The following PCDHB12 variants were observed in gnomAD, a reference collection of about 807,000 sequenced individuals.
The protein encoded by PCDHB12 is protocadherin beta 12, also known as protocadherin beta-12.
For missense variants in PCDHB12, 1,192 were observed against 998.2 expected (o/e 1.19, Z -2.62); for synonymous variants, 560 against 445.2 (o/e 1.26, Z -3.24).
rs1554287300 is a variant in PCDHB12 at position 141,212,013 on chromosome 5, G to A, written c.*718G>A. 6.0e-6 allele frequency: 1 copy of A among 166,980 alleles called. No individual in the cohort carries two copies. The highest frequency in any genetic ancestry group is 1.5e-5 in the Non-Finnish European group (1 of 68,086). 10.3% of individuals were successfully genotyped at this position (166,980 alleles called of 1,614,324 possible). A position where few individuals can be genotyped will look rare whatever the true frequency, so the allele number is the denominator to read the frequency against. On this transcript the variant is annotated 3_prime_UTR_variant, in exon 1 of 1. Transcript: ENST00000239450. Reference sequence around the variant, plus strand: ...TTATTTAGAAATAAACTTTATCTATGATTTCATTTTCTTATAAACCAGTAA... The same window carrying A: ...TTATTTAGAAATAAACTTTATCTATAATTTCATTTTCTTATAAACCAGTAA...
chr5:141,210,355 A>T lies in PCDHB12; in HGVS notation c.1448A>T (p.Asn483Ile), dbSNP rs368877936. Residue 483 changes from asparagine (N) to isoleucine (I), a missense_variant, in exon 1 of 1, where the codon AAC (asparagine) becomes ATC (isoleucine). Transcript: ENST00000239450. ...GCCACAGACAGAGACTCGGGCACCA[A>T]CGCCCAGGTCAACTACTCGCTGCTG... is the stretch of plus-strand genomic sequence containing the variant. Reference protein sequence around the residue: ...ISATDRDSGTNAQVNYSLLPS... With the variant: ...ISATDRDSGTIAQVNYSLLPS... 3.7e-6 allele frequency: 6 copies of T among 1,612,832 alleles called. No individual in the cohort carries two copies. The African/African-American group carries it at 8.0e-5, about 22-fold the overall frequency.
At position 141,210,359 on chromosome 5, in the gene PCDHB12, C is replaced by T. The variant is rs782761475; in HGVS notation, c.1452C>T (p.Ala484=). Residue 484 remains alanine, a synonymous_variant, in exon 1 of 1, where the codon GCC becomes GCT. Transcript: ENST00000239450. ...SATDRDSGTN[A]QVNYSLLPSQ... ...CAGACAGAGACTCGGGCACCAACGC[C>T]CAGGTCAACTACTCGCTGCTGCCGT... 3.1e-6 allele frequency: 5 copies of T among 1,613,078 alleles called. No individual in the cohort carries two copies. In the South Asian group the frequency reaches 4.4e-5, roughly 14 times the overall value.
Position 141,210,019 on chromosome 5 carries a change from G to C in PCDHB12, c.1112G>C (p.Arg371Pro), listed in dbSNP as rs1554286791. 1.9e-6 allele frequency: 3 copies of C among 1,614,182 alleles called. No homozygotes were observed. Among genetic ancestry groups the C allele is most frequent in the South Asian group, 2.2e-5 (2 of 91,076 alleles). Residue 371 changes from arginine to proline, a missense_variant, in exon 1 of 1, where the codon CGA (arginine) becomes CCA (proline). Arg to Pro is a moderately radical substitution (Grantham distance 103). Coordinates refer to ENST00000239450, the MANE Select transcript of PCDHB12 (RefSeq NM_018932.4). Reference protein sequence around the residue: ...PETVVMVFRIRDRDSGDNGKM... With the variant: ...PETVVMVFRIPDRDSGDNGKM... ...ACTGTGGTTATGGTTTTCAGGATAC[G>C]AGACAGAGACTCTGGGGACAACGGA...
In PCDHB12 at chr5:141,210,949, C is replaced by T. The variant is rs369721899; in HGVS notation, c.2042C>T (p.Ala681Val). The T allele has an allele frequency of 1.9e-6, 3 of 1,611,648 alleles. No individual in the cohort carries two copies. In the South Asian group the frequency reaches 3.3e-5, roughly 18 times the overall value. Residue 681 changes from alanine to valine, a missense_variant, in exon 1 of 1, where the codon GCC becomes GTC. Transcript: ENST00000239450. ...CTCCCGGAGGCGGCCCCGGCCCAGGCCCAGGCCGACTCGCTCACTGTCTAC... is the reference window on the plus strand; with the variant it reads ...CTCCCGGAGGCGGCCCCGGCCCAGGTCCAGGCCGACTCGCTCACTGTCTAC... ...LPLPEAAPAQ[A>V]QADSLTVYLV...
chr5:141,210,371 C>CCT lies in PCDHB12; in HGVS notation c.1464_1465insCT (p.Ser489LeufsTer54). On this transcript the variant is annotated frameshift_variant, in exon 1 of 1. Coordinates refer to ENST00000239450, the MANE Select transcript of PCDHB12 (RefSeq NM_018932.4). LOFTEE classifies it low-confidence loss of function (END_TRUNC). The stretch of plus-strand genomic sequence containing the variant: ...CGGGCACCAACGCCCAGGTCAACTA[C>CCT]TCGCTGCTGCCGTCCCAGGACCCGC... 1.2e-6 allele frequency: 2 copies of CCT among 1,613,032 alleles called. No homozygotes were observed. Among genetic ancestry groups the CCT allele is most frequent in the African/African-American group, 1.3e-5 (1 of 75,034 alleles).
At position 141,210,956 on chromosome 5, in the gene PCDHB12, C is replaced by T. The variant is rs782343450; in HGVS notation, c.2049C>T (p.Ala683=). The change falls in exon 1 of 1, where the codon GCC becomes GCT. Residue 683 remains alanine (A), a synonymous_variant. Coordinates refer to ENST00000239450, the MANE Select transcript of PCDHB12 (RefSeq NM_018932.4). ...AGGCGGCCCCGGCCCAGGCCCAGGC[C>T]GACTCGCTCACTGTCTACCTGGTGG... ...LPEAAPAQAQ[A]DSLTVYLVVA... The T allele has an allele frequency of 6.2e-7, 1 of 1,611,718 alleles. No individual in the cohort carries two copies. The highest frequency in any genetic ancestry group is 8.5e-7 in the Non-Finnish European group (1 of 1,179,782).
Position 141,209,914 on chromosome 5 carries a change from A to T in PCDHB12, c.1007A>T (p.Gln336Leu). The change falls in exon 1 of 1, where the codon CAG becomes CTG. Residue 336 changes from glutamine to leucine, a missense_variant. By Grantham distance (113) the Gln-to-Leu change is moderately radical. Transcript: ENST00000239450. ...GLFGKSTVRI[Q>L]VMDVNDNAPE... ...TTTGGAAAATCTACAGTCAGAATTC[A>T]GGTGATGGATGTAAACGACAACGCT... 1 of 1,614,198 alleles carries T rather than the reference A, an allele frequency of 6.2e-7. No individual in the cohort carries two copies. Among genetic ancestry groups the T allele is most frequent in the Non-Finnish European group, 8.5e-7 (1 of 1,180,024 alleles).
At position 141,211,329 on chromosome 5, in the gene PCDHB12, TA is replaced by T; in HGVS notation, c.*35del. 6.4e-7 allele frequency: 1 copy of T among 1,555,466 alleles called. No individual in the cohort carries two copies. Among genetic ancestry groups the T allele is most frequent in the Non-Finnish European group, 8.7e-7 (1 of 1,152,976 alleles). On this transcript the variant is annotated 3_prime_UTR_variant, in exon 1 of 1. Transcript: ENST00000239450. ...GAAAAATAAAACCTGTGTTTATGAATACATTTATAATTAGGAACTTATCGTG... is the reference window on the plus strand; with the variant it reads ...GAAAAATAAAACCTGTGTTTATGAATCATTTATAATTAGGAACTTATCGTG...
Position 141,209,549 on chromosome 5 carries a change from T to A in PCDHB12, c.642T>A (p.Ala214=). 6.2e-7 allele frequency: 1 copy of A among 1,614,198 alleles called. No homozygotes were observed. Among genetic ancestry groups the A allele is most frequent in the East Asian group, 2.2e-5 (1 of 44,878 alleles). The change falls in exon 1 of 1, where the codon GCT becomes GCA. Residue 214 remains alanine (A), a synonymous_variant. Coordinates refer to ENST00000239450, the MANE Select transcript of PCDHB12 (RefSeq NM_018932.4). The stretch of plus-strand genomic sequence containing the variant: ...CGGAGCTCAGTTTCATCCTCACTGC[T>A]CTGGATGGCGGGTCCCCTCCCAGGT... ...ERPELSFILT[A]LDGGSPPRSG...
At position 141,209,851 on chromosome 5, in the gene PCDHB12, A is replaced by G. The variant is rs781982947; in HGVS notation, c.944A>G (p.Tyr315Cys). 6.8e-6 allele frequency: 11 copies of G among 1,614,086 alleles called. No individual in the cohort carries two copies. In the East Asian group the frequency reaches 2.5e-4, roughly 36 times the overall value. The change falls in exon 1 of 1, where the codon TAC becomes TGC. Residue 315 changes from tyrosine (Y) to cysteine (C), a missense_variant. By Grantham distance (194) the Tyr-to-Cys change is radical. Coordinates refer to ENST00000239450, the MANE Select transcript of PCDHB12 (RefSeq NM_018932.4). ...APLDFEAIESYSIIIQATDGG... is the reference protein window; with the variant it reads ...APLDFEAIESCSIIIQATDGG... ...TTGGATTTTGAAGCAATTGAGTCATACTCAATAATCATTCAAGCCACAGAT... is the reference window on the plus strand; with the variant it reads ...TTGGATTTTGAAGCAATTGAGTCATGCTCAATAATCATTCAAGCCACAGAT...
In PCDHB12 at chr5:141,211,208, G is replaced by T; in HGVS notation, c.2301G>T (p.Leu767=). The T allele has an allele frequency of 6.2e-7, 1 of 1,614,116 alleles. No individual in the cohort carries two copies. The highest frequency in any genetic ancestry group is 8.5e-7 in the Non-Finnish European group (1 of 1,179,982). ...CCAGGTCAAATAAGTTCAAATTTCT[G>T]AAACCAATTATCCCCAACTTCCTAC... ...GGSRSNKFKF[L]KPIIPNFLPQ... The change falls in exon 1 of 1, where the codon CTG becomes CTT. Residue 767 remains leucine, a synonymous_variant. Transcript: ENST00000239450.
chr5:141,209,067 C>T lies in PCDHB12; in HGVS notation c.160C>T (p.Leu54Phe), dbSNP rs781971006. The T allele has an allele frequency of 2.0e-5, 33 of 1,612,560 alleles. No homozygotes were observed. The South Asian group carries it at 3.0e-4, about 15-fold the overall frequency. Reference protein sequence around the residue: ...FVGNLAKTLGLEVSELSSRGA... With the variant: ...FVGNLAKTLGFEVSELSSRGA... ...AGGAAATTTGGCAAAGACCCTGGGA[C>T]TCGAGGTGAGTGAGCTGTCTTCGCG... Residue 54 changes from leucine (L) to phenylalanine (F), a missense_variant, in exon 1 of 1, where the codon CTC (leucine) becomes TTC (phenylalanine). Coordinates refer to ENST00000239450, the MANE Select transcript of PCDHB12 (RefSeq NM_018932.4).
chr5:141,209,972 A>G lies in PCDHB12; in HGVS notation c.1065A>G (p.Pro355=). The stretch of plus-strand genomic sequence containing the variant: ...TCACTGTGTCATCAATTACCAGTCC[A>G]ATCCCAGAAAACACTCCAGAGACTG... ...PEITVSSITS[P]IPENTPETVV... The change falls in exon 1 of 1, where the codon CCA becomes CCG. Residue 355 remains proline, a synonymous_variant. Transcript: ENST00000239450. 6.2e-7 allele frequency: 1 copy of G among 1,614,212 alleles called. No homozygotes were observed.
Position 141,212,389 on chromosome 5 carries a change from A to G in PCDHB12, c.*1094A>G, listed in dbSNP as rs1221661817. 31 of 153,148 alleles carry G rather than the reference A, an allele frequency of 2.0e-4. No individual in the cohort carries two copies. Among genetic ancestry groups the G allele is most frequent in the African/African-American group, 7.2e-4 (30 of 41,458 alleles). 9.5% of individuals were successfully genotyped at this position (153,148 alleles called of 1,614,324 possible). A position where few individuals can be genotyped will look rare whatever the true frequency, so the allele number is the denominator to read the frequency against. On this transcript the variant is annotated 3_prime_UTR_variant, in exon 1 of 1. Coordinates refer to ENST00000239450, the MANE Select transcript of PCDHB12 (RefSeq NM_018932.4). ...GAAAAAGAATAGATTTAAATGTGTA[A>G]TATCAAAGAGAAATATAGATGATCA...
rs1445954826 is a variant in PCDHB12 at position 141,212,477 on chromosome 5, A to G, written c.*1182A>G. ...ATTGTTTGTTAAAAATATATAACCG[A>G]TTCTTATATTTAAAATAGGTAATTT... On this transcript the variant is annotated 3_prime_UTR_variant, in exon 1 of 1. Coordinates refer to ENST00000239450, the MANE Select transcript of PCDHB12 (RefSeq NM_018932.4). 3 of 152,164 alleles carry G rather than the reference A, an allele frequency of 2.0e-5. No homozygotes were observed. Among genetic ancestry groups the G allele is most frequent in the Non-Finnish European group, 4.4e-5 (3 of 67,992 alleles). The allele number at this position is 152,164 out of a possible 1,614,324, so 9.4% of individuals were successfully genotyped here.
chr5:141,211,116 G>A lies in PCDHB12; in HGVS notation c.2209G>A (p.Val737Met), dbSNP rs782752373. ...VPEGPFPGHL[V>M]DVSGTGTLSQ... ...TGAGGGCCCCTTTCCAGGACATCTGGTGGACGTGAGTGGCACCGGGACCCT... is the reference window on the plus strand; with the variant it reads ...TGAGGGCCCCTTTCCAGGACATCTGATGGACGTGAGTGGCACCGGGACCCT... The change falls in exon 1 of 1, where the codon GTG (valine) becomes ATG (methionine). Residue 737 changes from valine (V) to methionine (M), a missense_variant. Transcript: ENST00000239450. 2.5e-6 allele frequency: 4 copies of A among 1,614,070 alleles called. No individual in the cohort carries two copies. The highest frequency in any genetic ancestry group is 3.4e-6 in the Non-Finnish European group (4 of 1,180,036).
Position 141,210,490 on chromosome 5 carries a change from A to C in PCDHB12, c.1583A>C (p.Gln528Pro). ...GACTACGAGGCCCTGCAGGGGTTCC[A>C]GTTCCGCGTGGGCGCCACAGACCAC... ...SLDYEALQGF[Q>P]FRVGATDHGS... is the part of the protein sequence containing the mutation. Residue 528 changes from glutamine to proline, a missense_variant, in exon 1 of 1, where the codon CAG becomes CCG. Gln to Pro is a moderately conservative substitution (Grantham distance 76). Transcript: ENST00000239450. The C allele has an allele frequency of 1.2e-6, 2 of 1,612,594 alleles. No individual in the cohort carries two copies. The highest frequency in any genetic ancestry group is 1.7e-6 in the Non-Finnish European group (2 of 1,179,842).
chr5:141,209,662 T>G lies in PCDHB12; in HGVS notation c.755T>G (p.Leu252Arg), dbSNP rs144462785. 2.8e-4 allele frequency: 456 copies of G among 1,614,216 alleles called. 1 individual carries two copies. In the African/African-American group the frequency reaches 3.8e-3, roughly 14 times the overall value. Residue 252 changes from leucine to arginine, a missense_variant, in exon 1 of 1, where the codon CTG becomes CGG. Transcript: ENST00000239450. Reference sequence around the variant, plus strand: ...CAGGCTTTTTATGAGGTGAAGATTCTGGAGAATAGCATCCTTGGCTCCCTG... The same window carrying G: ...CAGGCTTTTTATGAGGTGAAGATTCGGGAGAATAGCATCCTTGGCTCCCTG... ...FEQAFYEVKI[L>R]ENSILGSLVV...
Position 141,211,632 on chromosome 5 carries a change from T to G in PCDHB12, c.*337T>G. On this transcript the variant is annotated 3_prime_UTR_variant, in exon 1 of 1. Coordinates refer to ENST00000239450, the MANE Select transcript of PCDHB12 (RefSeq NM_018932.4). ...AGTTGATTAGAATGCTGTTCGAGTA[T>G]ACCTACCCTAGTTTCAGAAGCATAG... 1 of 316,712 alleles carries G rather than the reference T, an allele frequency of 3.2e-6. No homozygotes were observed. Among genetic ancestry groups the G allele is most frequent in the Non-Finnish European group, 6.3e-6 (1 of 159,308 alleles). 19.6% of individuals were successfully genotyped at this position (316,712 alleles called of 1,614,324 possible). A position where few individuals can be genotyped will look rare whatever the true frequency, so the allele number is the denominator to read the frequency against.
Sources: gnomAD v4.1 joint callset for allele counts on GRCh38, gnomAD v4.1.1 for gene constraint, MANE v1.5 for transcripts, NCBI Gene and HGNC (gene_info 2026-07-23, HGNC 2026-07-21) for gene names.